ATG7: variants seen among roughly 807,000 people sequenced by gnomAD.
ATG7 encodes the protein autophagy related 7.
ATG7 carries 70 observed loss-of-function variants against 82.4 expected under a neutral mutation model. That is an observed-to-expected ratio of 0.85 (90% CI 0.70 to 1.04). The LOEUF (loss-of-function observed/expected upper bound fraction) is 1.04, where lower values mean the gene tolerates loss of function less well. ATG7 is among the 50% of genes least tolerant of loss of function. ATG7 has a pLI of 0.00. For missense variants in ATG7, 792 were observed against 864.3 expected (o/e 0.92, Z 1.05); for synonymous variants, 287 against 313.0 (o/e 0.92, Z 0.88).
At chr3:11,283,714 G>T (rs1165189672) in intron 3 of ATG7, among the ~76,000 whole-genome samples, 2 of 152,026 alleles carry the variant, frequency 1.3e-5, no homozygotes, top group Non-Finnish European at 2.9e-5. Flanking sequence ...AAGGCAGGTG[G>T]ATCACCTGGG....
intron 20 of ATG7, among the ~76,000 whole-genome samples, chr3:11,516,859 G>A (rs558297986): frequency 3.9e-5 from 6 of 152,044 alleles, no homozygotes; most frequent in African/African-American, 1.2e-4. Context: ...GAGGCAGGTG[G>A]ATCACTTGAG....
At chr3:11,283,758 C>T (rs111782118) in intron 3 of ATG7, among the ~76,000 whole-genome samples, 1 of 151,972 alleles carries the variant, frequency 6.6e-6, no homozygotes. Flanking sequence ...GCCAACAAAG[C>T]AAAACCCTAC....
At chr3:11,533,692 G>A (rs769320265) in intron 20 of ATG7, among the ~76,000 whole-genome samples, 3 of 152,126 alleles carry the variant, frequency 2.0e-5, no homozygotes, top group Non-Finnish European at 4.4e-5. Context: ...CTTTAAAGAT[G>A]TTATTTTTTG....
At position 11,379,953 on chromosome 3, in the gene ATG7, T is replaced by A. The variant is rs1350903146; in HGVS notation, c.1876-19T>A. The A allele has an allele frequency of 6.2e-7, 1 of 1,612,030 alleles. No individual in the cohort carries two copies. The highest frequency in any genetic ancestry group is 8.5e-7 in the Non-Finnish European group (1 of 1,178,334). On this transcript the variant is annotated intron_variant, in intron 18 of 20. Coordinates refer to ENST00000693202, the MANE Select transcript of ATG7 (RefSeq NM_001349232.2). ...CGTTGTGTGTTTGATGTGAATTGTTTTGTTTTGTTTGTTTTTAGATCCGGG... is the reference window on the plus strand; with the variant it reads ...CGTTGTGTGTTTGATGTGAATTGTTATGTTTTGTTTGTTTTTAGATCCGGG...
At chr3:11,419,327 T>C (rs1397253626) in intron 19 of ATG7, among the ~76,000 whole-genome samples, 1 of 151,990 alleles carries the variant, frequency 6.6e-6, no homozygotes, top group East Asian at 1.9e-4. Flanking sequence ...CCGAGGTGGG[T>C]GGATCGCTTG....
chr3:11,466,568 C>T (rs752907990), intron 20 of ATG7, among the ~76,000 whole-genome samples: 3 of 152,162 alleles, frequency 2.0e-5, no homozygotes, highest in Non-Finnish European at 4.4e-5. Context: ...GTCACAGGCA[C>T]GAGGCCTAGA....
At chr3:11,550,668 G>C (rs1358668275) in intron 20 of ATG7, among the ~76,000 whole-genome samples, 3 of 152,142 alleles carry the variant, frequency 2.0e-5, no homozygotes, top group Non-Finnish European at 4.4e-5. Flanking sequence ...AAAGTGCTGG[G>C]ATTATAGGCA....
chr3:11,525,975 T>G (rs2092569962), intron 20 of ATG7, among the ~76,000 whole-genome samples: 1 of 152,232 alleles, frequency 6.6e-6, no homozygotes. Flanking sequence ...TTTAAAATGT[T>G]ATTGTGATAG....
intron 20 of ATG7, among the ~76,000 whole-genome samples, chr3:11,451,971 C>CA (rs58406681): frequency 1 from 151,724 of 151,724 alleles, 75,862 homozygotes; most frequent in Non-Finnish European, 1. Flanking sequence ...TCAGAATAGA[C>CA]AATCCATAGA....
rs1206678894 is a variant in ATG7 at position 11,360,847 on chromosome 3, C to T, written c.1683+63C>T. The T allele has an allele frequency of 1.7e-5, 26 of 1,509,278 alleles. No individual in the cohort carries two copies. In the East Asian group the frequency reaches 5.2e-4, roughly 30 times the overall value. 93.5% of individuals were successfully genotyped at this position (1,509,278 alleles called of 1,614,324 possible). A position where few individuals can be genotyped will look rare whatever the true frequency, so the allele number is the denominator to read the frequency against. The stretch of plus-strand genomic sequence containing the variant: ...CACCAACTTGTACACTGAGGCAGAC[C>T]GACTTGGCCCTTTCATTTATGACTA... On this transcript the variant is annotated intron_variant, in intron 16 of 20. Coordinates refer to ENST00000693202, the MANE Select transcript of ATG7 (RefSeq NM_001349232.2).
At chr3:11,481,467 G>C (rs1183025936) in intron 20 of ATG7, among the ~76,000 whole-genome samples, 2 of 152,092 alleles carry the variant, frequency 1.3e-5, no homozygotes, top group Non-Finnish European at 2.9e-5. Flanking sequence ...CAAAGACCTA[G>C]AATTTCACAT....
At chr3:11,401,923 T>TA (rs1216686964) in intron 19 of ATG7, among the ~76,000 whole-genome samples, 7 of 152,240 alleles carry the variant, frequency 4.6e-5, no homozygotes, top group Non-Finnish European at 7.3e-5. Context: ...TTAATTGGAT[T>TA]GGAAGCCTTG....
intron 20 of ATG7, among the ~76,000 whole-genome samples, chr3:11,488,646 G>A (rs974497131): frequency 6.6e-5 from 10 of 152,230 alleles, no homozygotes; most frequent in South Asian, 2.1e-4. Flanking sequence ...CTCCGGCGCC[G>A]TGACCTCCTC....
the ATG7 span, chr3:11,564,772 G>T: frequency 1.3e-5 from 20 of 1,518,590 alleles, no homozygotes; most frequent in Non-Finnish European, 1.8e-5. Flanking sequence ...GACTCCCCAC[G>T]CCACCCTCCC....
Position 11,333,045 on chromosome 3 carries a change from C to A in ATG7, c.841C>A (p.His281Asn). 6.4e-7 allele frequency: 1 copy of A among 1,569,824 alleles called. No homozygotes were observed. Among genetic ancestry groups the A allele is most frequent in the Non-Finnish European group, 8.6e-7 (1 of 1,157,720 alleles). ...CATGCAGGGGGCGAGAGACGTTGCC[C>A]ACAGCATCATCTTCGAAGTGAAGCT... Reference protein sequence around the residue: ...RTMQGARDVAHSIIFEVKLPE... With the variant: ...RTMQGARDVANSIIFEVKLPE... Residue 281 changes from histidine to asparagine, a missense_variant, in exon 11 of 21, where the codon CAC becomes AAC. By Grantham distance (68) the His-to-Asn change is moderately conservative. Transcript: ENST00000693202.
chr3:11,532,305 G>A (rs2092708578), intron 20 of ATG7, among the ~76,000 whole-genome samples: 1 of 152,216 alleles, frequency 6.6e-6, no homozygotes, highest in Admixed American at 6.5e-5. Flanking sequence ...TCATCTGCAA[G>A]GGACAAACCG....
At chr3:11,557,771 C>G (rs1245108337), downstream of ATG7, 1 of 152,656 alleles carries the variant, frequency 6.6e-6, no homozygotes, top group Non-Finnish European at 1.5e-5. Context: ...ATGGAATCCT[C>G]CAACCTCAGC....
chr3:11,364,865 G>A (rs985725654), intron 18 of ATG7, 131 bp downstream of exon 18: 5 of 917,916 alleles, frequency 5.4e-6, no homozygotes, highest in Non-Finnish European at 8.3e-6. Flanking sequence ...ATTTCAATGG[G>A]AGAGCTTTCT....
At chr3:11,289,654 C>T (rs1011240204) in intron 3 of ATG7, among the ~76,000 whole-genome samples, 1 of 152,138 alleles carries the variant, frequency 6.6e-6, no homozygotes, top group African/African-American at 2.4e-5. Flanking sequence ...TCCTGGTGGG[C>T]TCGAGCTATC....
Sources: allele counts gnomAD v4.1 joint callset (sites outside exome capture counted in the v4.1 genomes callset), GRCh38; gene constraint gnomAD v4.1.1; transcripts MANE v1.5; gene names NCBI Gene and HGNC (gene_info 2026-07-23, HGNC 2026-07-21).